ADK: variants seen among roughly 807,000 people sequenced by gnomAD.
ADK encodes the protein N6,N6-dimethyladenosine kinase.
Under a neutral mutation model 44.7 loss-of-function variants are expected in ADK, and 24 were observed. That is an observed-to-expected ratio of 0.54 (90% CI 0.39 to 0.76). ADK has a LOEUF of 0.76. Among genes scored for constraint, ADK ranks in the 30% least tolerant of loss-of-function variants. The probability of loss-of-function intolerance (pLI) is 0.00; values close to 1 mark genes in which losing one functional copy is unlikely to be tolerated. For synonymous variants in ADK, 128 were observed against 142.6 expected (o/e 0.90, Z 0.73); for missense variants, 321 against 425.1 (o/e 0.76, Z 2.15).
chr10:74,450,540 G>C (rs1845737685), intron 6 of ADK, among the ~76,000 whole-genome samples: 1 of 152,080 alleles, frequency 6.6e-6, no homozygotes, highest in Non-Finnish European at 1.5e-5. Context: ...ATTTAATTTT[G>C]TAATAAATCA....
At chr10:74,220,192 C>T (rs923369490) in intron 2 of ADK, among the ~76,000 whole-genome samples, 7 of 151,858 alleles carry the variant, frequency 4.6e-5, no homozygotes, top group African/African-American at 1.4e-4. Flanking sequence ...GGGGATATCA[C>T]CACTGATCCC....
intron 8 of ADK, among the ~76,000 whole-genome samples, chr10:74,595,670 CCAT>C (rs1851889259): frequency 2.9e-5 from 1 of 34,034 alleles, no homozygotes; most frequent in South Asian, 1.4e-3. Context: ...GCTACCGCGC[CCAT>C]CGCCATATCA....
At chr10:74,606,447 T>C (rs1852326902) in intron 9 of ADK, among the ~76,000 whole-genome samples, 1 of 152,214 alleles carries the variant, frequency 6.6e-6, no homozygotes, top group African/African-American at 2.4e-5. Flanking sequence ...TCTGTTCTCA[T>C]TGGTTTTAAA....
chr10:74,590,216 G>A (rs1277470794), intron 8 of ADK, among the ~76,000 whole-genome samples: 4 of 152,086 alleles, frequency 2.6e-5, no homozygotes, highest in African/African-American at 7.2e-5. Context: ...GTGTTACAGG[G>A]TAGTAATTTT....
intron 9 of ADK, among the ~76,000 whole-genome samples, chr10:74,613,197 A>G (rs771442337): frequency 1.1e-4 from 16 of 152,076 alleles, no homozygotes; most frequent in Non-Finnish European, 1.9e-4. Flanking sequence ...GAGATGTTTG[A>G]GAATGCGGGC....
intron 6 of ADK, among the ~76,000 whole-genome samples, chr10:74,510,525 A>G (rs565135427): frequency 3.3e-5 from 5 of 152,090 alleles, no homozygotes; most frequent in African/African-American, 7.2e-5. Flanking sequence ...TTTTCACTCT[A>G]TTGATTGTTT....
chr10:74,162,299 G>A (rs1290367580), intron 1 of ADK, among the ~76,000 whole-genome samples: 4 of 152,164 alleles, frequency 2.6e-5, no homozygotes, highest in South Asian at 2.1e-4. Context: ...GATTACAGGC[G>A]TGAGCCACTG....
intron 3 of ADK, among the ~76,000 whole-genome samples, chr10:74,264,661 G>A (rs1477538222): frequency 2.0e-5 from 3 of 152,048 alleles, no homozygotes; most frequent in Non-Finnish European, 4.4e-5. Flanking sequence ...TTTTAAAAAT[G>A]CTTTATCTTC....
intron 6 of ADK, among the ~76,000 whole-genome samples, chr10:74,484,516 T>C (rs542365319): frequency 6.6e-6 from 1 of 152,328 alleles, no homozygotes; most frequent in African/African-American, 2.4e-5. Context: ...TTAATATTAT[T>C]TAAAATGTCA....
intron 3 of ADK, among the ~76,000 whole-genome samples, chr10:74,310,055 ATAAT>A (rs1241636116): frequency 1.3e-5 from 2 of 152,234 alleles, no homozygotes; most frequent in African/African-American, 2.4e-5. Context: ...TCTTCCAATG[ATAAT>A]TAATATAGTA....
chr10:74,318,695 A>G (rs1352378294), intron 4 of ADK, among the ~76,000 whole-genome samples: 3 of 152,226 alleles, frequency 2.0e-5, no homozygotes, highest in Non-Finnish European at 2.9e-5. Flanking sequence ...TTTTAAAGTG[A>G]TGGACATTTT....
At chr10:74,165,095 TG>T (rs1842002681) in intron 1 of ADK, among the ~76,000 whole-genome samples, 2 of 152,094 alleles carry the variant, frequency 1.3e-5, no homozygotes, top group African/African-American at 4.8e-5. Context: ...CAGGTAGAGT[TG>T]GAAATGTTCC....
chr10:74,602,189 C>A (rs1045853651), intron 9 of ADK, among the ~76,000 whole-genome samples: 1 of 147,876 alleles, frequency 6.8e-6, no homozygotes, highest in South Asian at 2.2e-4. Flanking sequence ...TACTAGCAAT[C>A]TTTTATTGTG....
At chr10:74,251,462 A>G (rs1591934120) in intron 3 of ADK, among the ~76,000 whole-genome samples, 1 of 152,220 alleles carries the variant, frequency 6.6e-6, no homozygotes, top group Non-Finnish European at 1.5e-5. Context: ...TAATAATTAT[A>G]GTTTATATGT....
chr10:74,227,851 GA>G (rs1042621161), intron 3 of ADK, among the ~76,000 whole-genome samples: 4 of 150,260 alleles, frequency 2.7e-5, no homozygotes, highest in Non-Finnish European at 3.0e-5. Flanking sequence ...TCAAAAAAAA[GA>G]AAAAAAAATT....
chr10:74,180,300 C>T (rs959139054), intron 1 of ADK, among the ~76,000 whole-genome samples: 14 of 150,430 alleles, frequency 9.3e-5, no homozygotes, highest in Non-Finnish European at 1.6e-4. Context: ...TGCAGTGGCG[C>T]GATCTCGGCT....
chr10:74,525,258 CT>C lies in ADK; in HGVS notation c.564del (p.Thr190GlnfsTer8), dbSNP rs771117099. 3.7e-6 allele frequency: 6 copies of C among 1,613,448 alleles called. No homozygotes were observed. Among genetic ancestry groups the C allele is most frequent in the African/African-American group, 1.3e-5 (1 of 74,852 alleles). ...TCCCTCCTTTTTTCTTCATCCAGGGCTTTTTTCTTACAGTTTCCCCAGAGTC... is the reference window on the plus strand; with the variant it reads ...TCCCTCCTTTTTTCTTCATCCAGGGCTTTTTCTTACAGTTTCCCCAGAGTC... ...EKARVCYIAG[F>X]FLTVSPESVL... On this transcript the variant is annotated frameshift_variant, in exon 7 of 11. Transcript: ENST00000539909. LOFTEE classifies it high-confidence loss of function.
chr10:74,151,524 G>T (rs1841587934), intron 1 of ADK, among the ~76,000 whole-genome samples, 181 bp downstream of exon 1: 1 of 152,182 alleles, frequency 6.6e-6, no homozygotes, highest in Admixed American at 6.5e-5. Context: ...TCTCCGTTTG[G>T]CTGAGTCCCC....
At chr10:74,221,633 A>G (rs1434327110) in intron 2 of ADK, among the ~76,000 whole-genome samples, 1 of 147,766 alleles carries the variant, frequency 6.8e-6, no homozygotes, top group Non-Finnish European at 1.5e-5. Context: ...CTACAAGGCT[A>G]CAGTAACCAA....
Sources: gnomAD v4.1 joint callset for allele counts (sites outside exome capture counted in the v4.1 genomes callset) on GRCh38, gnomAD v4.1.1 for gene constraint, MANE v1.5 for transcripts, NCBI Gene and HGNC (gene_info 2026-07-23, HGNC 2026-07-21) for gene names.